LDAF1: variants seen among roughly 807,000 people sequenced by gnomAD.
The protein encoded by LDAF1 is lipid droplet assembly factor 1.
LDAF1 carries 7 observed loss-of-function variants against 13.5 expected under a neutral mutation model. The ratio of observed to expected loss-of-function variants is 0.52; its 90% CI spans 0.29 to 0.97. The LOEUF (loss-of-function observed/expected upper bound fraction) is 0.97. Among genes scored for constraint, LDAF1 ranks in the 50% least tolerant of loss-of-function variants. The probability of loss-of-function intolerance (pLI) is 0.07; values close to 1 mark genes in which losing one functional copy is unlikely to be tolerated. For missense variants in LDAF1, 148 were observed against 193.2 expected (o/e 0.77, Z 1.39); for synonymous variants, 69 against 77.1 (o/e 0.89, Z 0.55).
intron 4 of LDAF1, chr16:21,177,366 AT>A: frequency 6.6e-6 from 1 of 150,590 alleles, no homozygotes; most frequent in Middle Eastern, 3.4e-3. Flanking sequence ...GAAATGTGAA[AT>A]TTTTCTACTC....
chr16:21,178,378 G>T (rs534835906), intron 4 of LDAF1: 3 of 985,274 alleles, frequency 3.0e-6, no homozygotes, highest in Non-Finnish European at 3.6e-6. Context: ...AAAAGGAAAG[G>T]CTTCTTTCTT....
At chr16:21,166,734 T>C (rs1321255617) in intron 2 of LDAF1, 5 of 855,148 alleles carry the variant, frequency 5.8e-6, no homozygotes, top group Admixed American at 4.2e-5. Flanking sequence ...TAAGGATGCA[T>C]GTGGATTCGA....
chr16:21,167,288 T>G lies in LDAF1; in HGVS notation c.97-3149T>G, dbSNP rs1440125846. On this transcript the variant is annotated intron_variant, in intron 2 of 4. Coordinates refer to ENST00000233047, the MANE Select transcript of LDAF1 (RefSeq NM_001301771.2). Reference sequence around the variant, plus strand: ...ATGTGTTTTGGGGACCTGAATTATGTCTTCTTTTCATCTGTTGGCCTGCAA... The same window carrying G: ...ATGTGTTTTGGGGACCTGAATTATGGCTTCTTTTCATCTGTTGGCCTGCAA... 2.0e-5 allele frequency among the ~76,000 whole-genome samples: 3 copies of G among 152,248 alleles called. No homozygotes were observed. In the East Asian group the frequency reaches 5.8e-4, roughly 29 times the overall value.
At chr16:21,166,820 C>T (rs758388381) in intron 2 of LDAF1, 42 of 1,534,990 alleles carry the variant, frequency 2.7e-5, no homozygotes, top group Non-Finnish European at 3.3e-5. Flanking sequence ...ACGGCTCCTC[C>T]GCCTCTCTTT....
At chr16:21,162,444 A>G (rs1041114246) in intron 2 of LDAF1, among the ~76,000 whole-genome samples, 35 of 152,174 alleles carry the variant, frequency 2.3e-4, no homozygotes, top group African/African-American at 7.0e-4. Context: ...TTTCTTCTAT[A>G]TGTCTTTCAG....
intron 2 of LDAF1, among the ~76,000 whole-genome samples, chr16:21,162,307 G>A (rs915773570): frequency 4.6e-5 from 7 of 151,788 alleles, no homozygotes; most frequent in East Asian, 1.9e-4. Flanking sequence ...AAAACCCCCC[G>A]TGCGCATATT....
At chr16:21,168,888 ATATT>A (rs1166868769) in intron 2 of LDAF1, among the ~76,000 whole-genome samples, 1 of 134,654 alleles carries the variant, frequency 7.4e-6, no homozygotes, top group African/African-American at 2.8e-5. Flanking sequence ...TTTATATTAT[ATATT>A]TATATTTATA....
chr16:21,160,131 C>T (rs996414165), intron 1 of LDAF1: 10 of 259,222 alleles, frequency 3.9e-5, no homozygotes, highest in Admixed American at 2.0e-4. Context: ...GTGAGGATCT[C>T]TCAATTAATT....
In LDAF1 at chr16:21,179,477, C is replaced by T. The variant is rs540468585; in HGVS notation, c.407C>T (p.Pro136Leu). Residue 136 changes from proline (P) to leucine (L), a missense_variant and splice_region_variant, in exon 5 of 5, where the codon CCA becomes CTA. Pro to Leu is a moderately conservative substitution (Grantham distance 98, BLOSUM62 -3). Coordinates refer to ENST00000233047, the MANE Select transcript of LDAF1 (RefSeq NM_001301771.2). ...SLISCWFSPR[P>L]LTQQNTSCDF... Reference sequence around the variant, plus strand: ...GATCTCTTCTTGTTATCCGACAGGCCACTGACACAGCAAAACACCAGTTGT... The same window carrying T: ...GATCTCTTCTTGTTATCCGACAGGCTACTGACACAGCAAAACACCAGTTGT... 6 of 1,614,134 alleles carry T rather than the reference C, an allele frequency of 3.7e-6. No homozygotes were observed. The highest frequency in any genetic ancestry group is 5.1e-6 in the Non-Finnish European group (6 of 1,180,030).
chr16:21,159,503 T>TCCAGG, intron 1 of LDAF1: 1 of 1,507,992 alleles, frequency 6.6e-7, no homozygotes, highest in Non-Finnish European at 9.2e-7. Flanking sequence ...CGTTTTCCCC[T>TCCAGG]GGAGGTTCGG....
In LDAF1 at chr16:21,160,079, G is replaced by A. The variant is rs61676416; in HGVS notation, c.-98-1006G>A. The A allele has an allele frequency of 6.3e-4, 327 of 515,446 alleles. 9 individuals are homozygous for A. In the East Asian group the frequency reaches 0.04, roughly 63 times the overall value. The allele number at this position is 515,446 out of a possible 1,614,324, so 31.9% of individuals were successfully genotyped here. ...TAATTTGCATACTAGACCCTGTACA[G>A]CTTAGTAGTAGATAAAATTACCCCC... is the stretch of plus-strand genomic sequence containing the variant. On this transcript the variant is annotated intron_variant, in intron 1 of 4. Coordinates refer to ENST00000233047, the MANE Select transcript of LDAF1 (RefSeq NM_001301771.2).
intron 1 of LDAF1, chr16:21,159,279 C>A: frequency 6.5e-7 from 1 of 1,527,432 alleles, no homozygotes; most frequent in South Asian, 1.1e-5. Context: ...TCTGAGTTCC[C>A]ATTATTCAGT....
At chr16:21,161,755 A>G (rs2092977127) in intron 2 of LDAF1, among the ~76,000 whole-genome samples, 1 of 152,196 alleles carries the variant, frequency 6.6e-6, no homozygotes, top group Non-Finnish European at 1.5e-5. Context: ...TCAAGATTTG[A>G]GTTCATTGTT....
chr16:21,178,510 C>T (rs1162419940), intron 4 of LDAF1: 1 of 499,744 alleles, frequency 2.0e-6, no homozygotes, highest in Non-Finnish European at 2.6e-6. Context: ...GGAGACAGCC[C>T]AGGGCTGGTG....
chr16:21,168,644 ATATAAT>A (rs2093050386), intron 2 of LDAF1, among the ~76,000 whole-genome samples: 1 of 140,658 alleles, frequency 7.1e-6, no homozygotes, highest in Non-Finnish European at 1.5e-5. Context: ...AATATATCTA[ATATAAT>A]TATACAATAT....
At chr16:21,178,473 CT>C (rs1567204388) in intron 4 of LDAF1, 83 of 841,926 alleles carry the variant, frequency 9.9e-5, no homozygotes, top group Non-Finnish European at 1.1e-4. Flanking sequence ...ACACAGGGAA[CT>C]TTTTTTTATT....
At chr16:21,164,554 A>G (rs755821349) in intron 2 of LDAF1, among the ~76,000 whole-genome samples, 7 of 152,202 alleles carry the variant, frequency 4.6e-5, no homozygotes, top group African/African-American at 1.2e-4. Context: ...CCCAGCTGCC[A>G]TCTCCTCTTT....
chr16:21,172,660 C>T (rs2152848154), intron 3 of LDAF1: 1 of 156,736 alleles, frequency 6.4e-6, no homozygotes, highest in Non-Finnish European at 1.4e-5. Flanking sequence ...AAAATGCAGA[C>T]TTCCAGGCCT....
chr16:21,174,477 A>T (rs62033373), intron 4 of LDAF1, among the ~76,000 whole-genome samples: 22,968 of 152,052 alleles, frequency 0.15, 2,177 homozygotes, highest in East Asian at 0.31. Context: ...GACTACAGGC[A>T]TGAGCCACCA....
Sources: gnomAD v4.1 joint callset for allele counts (sites outside exome capture counted in the v4.1 genomes callset) on GRCh38, gnomAD v4.1.1 for gene constraint, MANE v1.5 for transcripts, NCBI Gene and HGNC (gene_info 2026-07-23, HGNC 2026-07-21) for gene names.